CCDC146: variants seen among roughly 807,000 people sequenced by gnomAD.
CCDC146 encodes coiled-coil domain-containing protein 146.
CCDC146 carries 92 observed loss-of-function variants against 119.3 expected under a neutral mutation model. That is an observed-to-expected ratio of 0.77 (90% CI 0.65 to 0.92). The LOEUF (loss-of-function observed/expected upper bound fraction) is 0.92, where lower values mean the gene tolerates loss of function less well. Ranked by LOEUF, CCDC146 falls within the 40% of genes least tolerant of loss-of-function variation. CCDC146 has a pLI of 0.00. For missense variants in CCDC146, 1,000 were observed against 1,103.0 expected, an observed-to-expected ratio of 0.91 and a Z score of 1.32; for synonymous variants, 372 against 371.8, an observed-to-expected ratio of 1.00 and a Z score of -0.01.
chr7:77,251,524 T>C (rs1793060130), intron 4 of CCDC146, among the ~76,000 whole-genome samples: 1 of 152,150 alleles, frequency 6.6e-6, no homozygotes, highest in African/African-American at 2.4e-5. Context: ...CAGTGTGCCT[T>C]GCAGTTTTTT....
At chr7:77,290,521 A>G (rs543125624) in intron 17 of CCDC146, among the ~76,000 whole-genome samples, 2 of 152,380 alleles carry the variant, frequency 1.3e-5, no homozygotes, top group South Asian at 4.1e-4. Flanking sequence ...AATTTACTCA[A>G]AGTGCATTAG....
intron 8 of CCDC146, among the ~76,000 whole-genome samples, chr7:77,261,189 A>T (rs1161590382): frequency 6.6e-6 from 1 of 152,032 alleles, no homozygotes; most frequent in African/African-American, 2.4e-5. Context: ...AACTTGTGTC[A>T]TGGGGGGTTG....
At chr7:77,276,797 G>A (rs1190559327) in intron 11 of CCDC146, among the ~76,000 whole-genome samples, 2 of 152,180 alleles carry the variant, frequency 1.3e-5, no homozygotes, top group Admixed American at 6.5e-5. Context: ...TGGGCCAGGA[G>A]CGGTCTCTCA....
intron 8 of CCDC146, among the ~76,000 whole-genome samples, chr7:77,261,430 C>T (rs1328051968): frequency 1.3e-5 from 2 of 152,124 alleles, no homozygotes; most frequent in Admixed American, 6.5e-5. Flanking sequence ...GCTCCACCCA[C>T]GTTCCTGCAA....
chr7:77,294,210 T>C (rs1184681313), intron 18 of CCDC146, among the ~76,000 whole-genome samples: 2 of 152,234 alleles, frequency 1.3e-5, no homozygotes, highest in Non-Finnish European at 1.5e-5. Flanking sequence ...AAAGGAAATA[T>C]GTTGCTCTGC....
chr7:77,245,124 TTATC>T (rs1792924277), intron 4 of CCDC146, among the ~76,000 whole-genome samples: 1 of 152,330 alleles, frequency 6.6e-6, no homozygotes, highest in East Asian at 1.9e-4. Flanking sequence ...ATAAATCTAA[TTATC>T]TGGTTGGTTG....
chr7:77,155,616 G>GC (rs1349004464), intron 1 of CCDC146, among the ~76,000 whole-genome samples: 6 of 152,168 alleles, frequency 3.9e-5, no homozygotes, highest in African/African-American at 1.4e-4. Flanking sequence ...TATACTCTCT[G>GC]ATTGTCAATT....
chr7:77,207,429 A>G (rs1269396853), intron 2 of CCDC146, among the ~76,000 whole-genome samples: 1 of 152,178 alleles, frequency 6.6e-6, no homozygotes, highest in Non-Finnish European at 1.5e-5. Context: ...CTGCTTGTGT[A>G]TTTAACACAA....
chr7:77,144,120 G>C (rs1790978886), intron 1 of CCDC146, among the ~76,000 whole-genome samples: 2 of 151,500 alleles, frequency 1.3e-5, no homozygotes, highest in African/African-American at 4.9e-5. Context: ...TCTCCTTGAA[G>C]AGGTCCTTCA....
At chr7:77,256,213 T>C in intron 5 of CCDC146, 120 bp from the exon 6 acceptor site, 1 of 670,802 alleles carries the variant, frequency 1.5e-6, no homozygotes, top group Non-Finnish European at 2.4e-6. Flanking sequence ...TGAGAAATCA[T>C]TCATGAACTT....
At chr7:77,276,036 A>G (rs926034245) in intron 11 of CCDC146, among the ~76,000 whole-genome samples, 2 of 151,718 alleles carry the variant, frequency 1.3e-5, no homozygotes, top group African/African-American at 4.8e-5. Flanking sequence ...GTGAAACCCC[A>G]TCTCTACTGA....
intron 2 of CCDC146, among the ~76,000 whole-genome samples, chr7:77,193,214 A>G (rs1442469099): frequency 2.0e-5 from 3 of 152,220 alleles, no homozygotes; most frequent in African/African-American, 7.2e-5. Context: ...AAATGTTTCA[A>G]CAGTATTCTA....
At chr7:77,275,056 T>G (rs956436110) in intron 11 of CCDC146, among the ~76,000 whole-genome samples, 10 of 104,264 alleles carry the variant, frequency 9.6e-5, no homozygotes, top group African/African-American at 3.6e-4. Flanking sequence ...AAAAAAGAAC[T>G]GGAAGGAAAC....
At chr7:77,250,446 G>A (rs190071842) in intron 4 of CCDC146, among the ~76,000 whole-genome samples, 80 of 152,246 alleles carry the variant, frequency 5.3e-4, no homozygotes, top group African/African-American at 1.7e-3. Context: ...ATTTCACAAG[G>A]TACAGAGCTT....
At chr7:77,206,831 ATTTGT>A (rs1361466021) in intron 2 of CCDC146, among the ~76,000 whole-genome samples, 1 of 151,880 alleles carries the variant, frequency 6.6e-6, no homozygotes, top group Non-Finnish European at 1.5e-5. Flanking sequence ...TAGCTTAGAA[ATTTGT>A]TTTAATATTT....
intron 2 of CCDC146, among the ~76,000 whole-genome samples, chr7:77,235,031 A>G (rs986820725): frequency 6.6e-6 from 1 of 152,144 alleles, no homozygotes; most frequent in African/African-American, 2.4e-5. Flanking sequence ...CACTGTATAG[A>G]CTCAGACTTT....
chr7:77,166,346 C>T (rs1223047631), intron 1 of CCDC146, among the ~76,000 whole-genome samples: 3 of 152,016 alleles, frequency 2.0e-5, no homozygotes, highest in South Asian at 2.1e-4. Flanking sequence ...AATGTTATCA[C>T]AGCCTATAAA....
At chr7:77,254,399 C>T in intron 4 of CCDC146, 107 bp from the exon 5 acceptor site, 1 of 637,994 alleles carries the variant, frequency 1.6e-6, no homozygotes, top group Non-Finnish European at 2.7e-6. Flanking sequence ...GGTTGCCTGG[C>T]CGACAAGCAT....
intron 15 of CCDC146, 105 bp from the exon 16 acceptor site, chr7:77,286,693 T>C (rs6953266): frequency 0.21 from 213,521 of 1,030,778 alleles, 25,536 homozygotes; most frequent in African/African-American, 0.47. Context: ...TCTACCCTTG[T>C]CTGGGTTGGT....
Sources: gnomAD v4.1 joint callset for allele counts (sites outside exome capture counted in the v4.1 genomes callset) on GRCh38, gnomAD v4.1.1 for gene constraint, MANE v1.5 for transcripts, NCBI Gene and HGNC (gene_info 2026-07-23, HGNC 2026-07-21) for gene names.